STK3: variants seen among roughly 807,000 people sequenced by gnomAD.
The protein encoded by STK3 is serine/threonine-protein kinase 3.
STK3 carries 41 observed loss-of-function variants against 58.0 expected under a neutral mutation model. The observed-to-expected ratio is 0.71, with a 90% CI of 0.55 to 0.92. The LOEUF (loss-of-function observed/expected upper bound fraction) is 0.92. Ranked by LOEUF, STK3 falls within the 40% of genes least tolerant of loss-of-function variation. The probability of loss-of-function intolerance (pLI) is 0.00; values close to 1 mark genes in which losing one functional copy is unlikely to be tolerated. For synonymous variants in STK3, 170 were observed against 191.0 expected (o/e 0.89, Z 0.91); for missense variants, 479 against 602.7 (o/e 0.79, Z 2.15).
At chr8:98,412,915 T>A (rs1818071921) in intron 3 of STK3, 1 of 261,662 alleles carries the variant, frequency 3.8e-6, no homozygotes, top group African/African-American at 2.3e-5. Context: ...TATCTGAACT[T>A]TCTTCTATAA....
intron 9 of STK3, among the ~76,000 whole-genome samples, chr8:98,538,869 G>A (rs774900713): frequency 9.9e-5 from 15 of 152,118 alleles, no homozygotes; most frequent in Non-Finnish European, 1.6e-4. Context: ...GTGCCCACAG[G>A]GAACTCCAAA....
intron 4 of STK3, among the ~76,000 whole-genome samples, chr8:98,719,518 T>A (rs531198518): frequency 5.3e-5 from 8 of 152,290 alleles, no homozygotes; most frequent in Admixed American, 5.2e-4. Flanking sequence ...ACTGGACAAA[T>A]CCACAGCAAG....
At chr8:98,840,425 A>T (rs967543742) in intron 3 of STK3, among the ~76,000 whole-genome samples, 1 of 147,148 alleles carries the variant, frequency 6.8e-6, no homozygotes, top group Non-Finnish European at 1.5e-5. Context: ...TACAAAAATT[A>T]CCTGGGTGTG....
intron 6 of STK3, among the ~76,000 whole-genome samples, chr8:98,608,483 T>A (rs538318303): frequency 1.6e-4 from 25 of 152,188 alleles, no homozygotes; most frequent in Admixed American, 3.3e-4. Flanking sequence ...TTGTTTCATT[T>A]TATATTATGT....
At chr8:98,484,118 A>C (rs1292131043) in intron 10 of STK3, among the ~76,000 whole-genome samples, 1 of 152,108 alleles carries the variant, frequency 6.6e-6, no homozygotes, top group Non-Finnish European at 1.5e-5. Context: ...AGTATTAAAG[A>C]CTTAATACTA....
intron 4 of STK3, among the ~76,000 whole-genome samples, chr8:98,741,636 G>A (rs1368820918): frequency 6.6e-6 from 1 of 152,130 alleles, no homozygotes; most frequent in Non-Finnish European, 1.5e-5. Context: ...GCCCACAAGA[G>A]AAAGCAGGAA....
At chr8:98,830,981 A>AG (rs954562076) in intron 3 of STK3, among the ~76,000 whole-genome samples, 1 of 151,486 alleles carries the variant, frequency 6.6e-6, no homozygotes, top group African/African-American at 2.4e-5. Flanking sequence ...AAAAAAAAAA[A>AG]AAAAAAAAAA....
At position 98,619,635 on chromosome 8, in the gene STK3, C is replaced by T. The variant is rs1307671272; in HGVS notation, c.685-23466G>A. On this transcript the variant is annotated intron_variant, in intron 6 of 10. Coordinates refer to ENST00000419617, the MANE Select transcript of STK3 (RefSeq NM_006281.4). The stretch of plus-strand genomic sequence containing the variant: ...AATTTACAAGAAAAAAACAAACAAC[C>T]CCATCAAAAAGTGGGCGAAGGACAT... Among the ~76,000 whole-genome samples the T allele has an allele frequency of 3.3e-3, 371 of 111,654 alleles. 2 individuals are homozygous for T. The highest frequency in any genetic ancestry group is 0.012 in the African/African-American group (330 of 27,252). The allele number at this position is 111,654 out of a possible 152,430, so 73.2% of individuals were successfully genotyped here. A position where few individuals can be genotyped will look rare whatever the true frequency, so the allele number is the denominator to read the frequency against.
In STK3 at chr8:98,416,824, C is replaced by T. The variant is rs1818119320; in HGVS notation, n.484-15311G>A. On this transcript the variant is annotated intron_variant and non_coding_transcript_variant, in intron 3 of 3. Transcript: ENST00000517832. ...GGAAGGGTGTGAATTAGCTTTTTGT[C>T]ACTCGTGGGGAACATCTTGTGTCTT... is the stretch of plus-strand genomic sequence containing the variant. 1.3e-5 allele frequency among the ~76,000 whole-genome samples: 2 copies of T among 152,132 alleles called. 1 individual carries two copies. The highest frequency in any genetic ancestry group is 4.1e-4 in the South Asian group (2 of 4,834).
chr8:98,803,266 T>C (rs1833684370), intron 1 of STK3, among the ~76,000 whole-genome samples: 2 of 152,086 alleles, frequency 1.3e-5, no homozygotes, highest in Admixed American at 6.5e-5. Flanking sequence ...CTTCTATACT[T>C]TGAATGAATA....
At chr8:98,562,704 C>A (rs1168412765) in intron 8 of STK3, among the ~76,000 whole-genome samples, 1 of 103,040 alleles carries the variant, frequency 9.7e-6, no homozygotes, top group Non-Finnish European at 1.8e-5. Flanking sequence ...CCAGCCTGAG[C>A]AATATAGTAA....
At chr8:98,468,420 G>GT (rs1315203711) in intron 10 of STK3, among the ~76,000 whole-genome samples, 2 of 152,164 alleles carry the variant, frequency 1.3e-5, no homozygotes, top group East Asian at 1.9e-4. Flanking sequence ...TCAGATATTT[G>GT]TAAGGACACA....
chr8:98,451,301 C>T (rs1465970694), downstream of STK3, among the ~76,000 whole-genome samples: 2 of 152,028 alleles, frequency 1.3e-5, no homozygotes, highest in Non-Finnish European at 2.9e-5. Context: ...TCTCTGCCGT[C>T]AGGAACTTTA....
chr8:98,510,489 A>C (rs1000602552), intron 10 of STK3, among the ~76,000 whole-genome samples: 10 of 151,926 alleles, frequency 6.6e-5, no homozygotes, highest in Non-Finnish European at 1.0e-4. Flanking sequence ...ATAAATCCTG[A>C]CTAATTATGA....
chr8:98,941,144 G>A (rs996921894), intron 1 of STK3, among the ~76,000 whole-genome samples: 5 of 152,188 alleles, frequency 3.3e-5, no homozygotes, highest in Non-Finnish European at 7.4e-5. Flanking sequence ...GGCCCTTCCC[G>A]CCGGCTGCGG....
chr8:98,379,495 G>C (rs1223904733), intron 1 of STK3, among the ~76,000 whole-genome samples: 1 of 152,244 alleles, frequency 6.6e-6, no homozygotes, highest in South Asian at 2.1e-4. Flanking sequence ...CTCACAGATT[G>C]CTCCCACACT....
downstream of STK3, among the ~76,000 whole-genome samples, chr8:98,370,423 T>C (rs938815181): frequency 1.3e-5 from 2 of 150,888 alleles, no homozygotes; most frequent in African/African-American, 4.9e-5. Context: ...GATCCCAAGC[T>C]TCAGAGTCTT....
chr8:98,428,455 C>A lies in STK3; in HGVS notation n.483+5672G>T, dbSNP rs749919384. On this transcript the variant is annotated intron_variant and non_coding_transcript_variant, in intron 3 of 3. Transcript: ENST00000517832. This position sits in a 1 kb window ranked among gnomAD's most constrained non-coding sequence, Gnocchi z 6.7. ...ATCCTTGCCTTCTACAACGACGCCT[C>A]CAAGTTCGATGGGCAGCCCCTCGGC... is the stretch of plus-strand genomic sequence containing the variant. 1.9e-6 allele frequency: 3 copies of A among 1,614,038 alleles called. No homozygotes were observed.
intron 6 of STK3, among the ~76,000 whole-genome samples, chr8:98,688,781 G>A (rs1824193400): frequency 6.6e-6 from 1 of 152,108 alleles, no homozygotes; most frequent in African/African-American, 2.4e-5. Flanking sequence ...GCAGTGTTAA[G>A]AGGAAAGTTT....
Sources: gnomAD v4.1 joint callset for allele counts (sites outside exome capture counted in the v4.1 genomes callset) on GRCh38, gnomAD v4.1.1 for gene constraint, Gnocchi (gnomAD v3.1) non-coding constraint, MANE v1.5 for transcripts, NCBI Gene and HGNC (gene_info 2026-07-23, HGNC 2026-07-21) for gene names.